Variants in DNM3 observed in about 807,000 individuals in gnomAD.
DNM3 encodes the protein dynamin 3.
A neutral mutation model predicts 101.6 loss-of-function variants in DNM3; 47 were observed. The ratio of observed to expected loss-of-function variants is 0.46; its 90% confidence interval spans 0.37 to 0.59. DNM3 has a LOEUF of 0.59. Ranked by LOEUF, DNM3 falls within the 20% of genes least tolerant of loss-of-function variation. The pLI, the probability that DNM3 is intolerant of heterozygous loss-of-function variation, is 0.00. For missense variants in DNM3, 849 were observed against 1,085.7 expected (o/e 0.78, Z 3.06); for synonymous variants, 385 against 387.9 (o/e 0.99, Z 0.09).
intron 1 of DNM3, among the ~76,000 whole-genome samples, chr1:171,868,062 T>C (rs1169127709): frequency 6.6e-6 from 1 of 152,196 alleles, no homozygotes; most frequent in Admixed American, 6.5e-5. Context: ...ATTGGTAAAT[T>C]ACTCTAAAAA....
Position 172,231,433 on chromosome 1 carries a change from A to G in DNM3, c.1660-22140A>G, listed in dbSNP as rs910996158. 4.6e-5 allele frequency among the ~76,000 whole-genome samples: 7 copies of G among 152,244 alleles called. No homozygotes were observed. The South Asian group carries it at 1.0e-3, about 23-fold the overall frequency. ...AAACAGAAAGGACATCCACACCAAA[A>G]ACCCATCTGTACATCACCATCATCA... On this transcript the variant is annotated intron_variant, in intron 14 of 20. Coordinates refer to ENST00000627582, the MANE Select transcript of DNM3 (RefSeq NM_015569.5).
intron 1 of DNM3, among the ~76,000 whole-genome samples, chr1:171,917,188 G>A (rs77695759): frequency 2.2e-3 from 337 of 152,290 alleles, no homozygotes; most frequent in African/African-American, 7.8e-3. Context: ...AAGGGCAGAT[G>A]TTAAACATTT....
At chr1:172,297,985 C>T (rs1419772866) in intron 15 of DNM3, among the ~76,000 whole-genome samples, 6 of 152,132 alleles carry the variant, frequency 3.9e-5, no homozygotes, top group East Asian at 1.9e-4. Flanking sequence ...TCCACACCCT[C>T]ATCATTTCTG....
chr1:172,016,540 A>T (rs371434423), intron 4 of DNM3, among the ~76,000 whole-genome samples: 9 of 152,222 alleles, frequency 5.9e-5, no homozygotes, highest in Non-Finnish European at 1.2e-4. Flanking sequence ...ACCTATATTC[A>T]TAAGAGATAT....
At chr1:171,917,139 C>T (rs2039778093) in intron 1 of DNM3, among the ~76,000 whole-genome samples, 1 of 152,156 alleles carries the variant, frequency 6.6e-6, no homozygotes, top group Non-Finnish European at 1.5e-5. Context: ...CATGAATCAA[C>T]TTCTAGGAAA....
chr1:172,022,251 G>T (rs2125755194), intron 4 of DNM3, among the ~76,000 whole-genome samples: 1 of 152,140 alleles, frequency 6.6e-6, no homozygotes, highest in East Asian at 1.9e-4. Flanking sequence ...TCCTATATGA[G>T]CCTGGCACAT....
At chr1:172,201,089 T>C (rs1228675155) in intron 14 of DNM3, among the ~76,000 whole-genome samples, 2 of 152,166 alleles carry the variant, frequency 1.3e-5, no homozygotes, top group Non-Finnish European at 2.9e-5. Flanking sequence ...GCAAGGTCTT[T>C]ATTTGAAGCT....
intron 10 of DNM3, among the ~76,000 whole-genome samples, chr1:172,061,412 A>C (rs1483948221): frequency 6.6e-6 from 1 of 151,006 alleles, no homozygotes; most frequent in Non-Finnish European, 1.5e-5. Flanking sequence ...TGTTTATTGC[A>C]GCACTATTCA....
intron 1 of DNM3, among the ~76,000 whole-genome samples, chr1:171,865,229 G>T (rs988156554): frequency 1.3e-5 from 2 of 152,106 alleles, no homozygotes; most frequent in African/African-American, 4.8e-5. Context: ...GAAGTGAAGA[G>T]GCAGGGCTGG....
At chr1:171,989,502 T>G (rs1355368128) in intron 4 of DNM3, among the ~76,000 whole-genome samples, 1 of 152,124 alleles carries the variant, frequency 6.6e-6, no homozygotes, top group African/African-American at 2.4e-5. Context: ...CTACTAATTA[T>G]TATGAGTTAC....
At chr1:172,229,318 G>GA in intron 14 of DNM3, among the ~76,000 whole-genome samples, 1 of 152,148 alleles carries the variant, frequency 6.6e-6, no homozygotes, top group Non-Finnish European at 1.5e-5. Flanking sequence ...TGTGTAATAG[G>GA]AAAAACAGGT....
intron 14 of DNM3, chr1:172,132,984 G>A: frequency 6.5e-7 from 1 of 1,533,162 alleles, no homozygotes; most frequent in Non-Finnish European, 8.8e-7. Context: ...GAGCTCCAGA[G>A]CCTATGCTTT....
At chr1:172,087,951 C>T (rs1464256280) in intron 12 of DNM3, among the ~76,000 whole-genome samples, 1 of 152,184 alleles carries the variant, frequency 6.6e-6, no homozygotes, top group Non-Finnish European at 1.5e-5. Context: ...CTTTGGGATC[C>T]CTAACTGTAC....
chr1:172,084,316 A>T (rs1158273964), intron 12 of DNM3, among the ~76,000 whole-genome samples: 2 of 152,172 alleles, frequency 1.3e-5, no homozygotes, highest in Non-Finnish European at 2.9e-5. Flanking sequence ...CTCCACATAC[A>T]TGCACGTGTG....
At chr1:172,260,424 A>T (rs144309557) in intron 15 of DNM3, among the ~76,000 whole-genome samples, 1 of 150,942 alleles carries the variant, frequency 6.6e-6, no homozygotes, top group African/African-American at 2.4e-5. Flanking sequence ...TAATTCTTTC[A>T]TTTTTTTTCG....
rs140648914 is a variant in DNM3, at chr1:172,226,095, G to A, written c.1660-27478G>A. Among the ~76,000 whole-genome samples the A allele has an allele frequency of 2.7e-3, 410 of 152,108 alleles. 3 individuals carry two copies. The highest frequency in any genetic ancestry group is 0.019 in the Admixed American group (288 of 15,272). On this transcript the variant is annotated intron_variant, in intron 14 of 20. Coordinates refer to ENST00000627582, the MANE Select transcript of DNM3 (RefSeq NM_015569.5). ...TTAATGCTGTAATAAACATCACTAT[G>A]CACATATAATTGCATCCAATAATCA...
chr1:172,075,126 A>T (rs1319229171), intron 11 of DNM3, among the ~76,000 whole-genome samples: 1 of 151,652 alleles, frequency 6.6e-6, no homozygotes, highest in African/African-American at 2.4e-5. Context: ...TTCTTTTGAG[A>T]AGTGTCTGTT....
chr1:172,202,363 A>T (rs2060184562), intron 14 of DNM3, among the ~76,000 whole-genome samples: 1 of 152,128 alleles, frequency 6.6e-6, no homozygotes, highest in African/African-American at 2.4e-5. Flanking sequence ...GAAGATTATT[A>T]GTTATTGAAT....
At chr1:172,010,193 G>A (rs573367799) in intron 4 of DNM3, among the ~76,000 whole-genome samples, 3 of 151,782 alleles carry the variant, frequency 2.0e-5, no homozygotes, top group East Asian at 3.9e-4. Context: ...AATGACACCC[G>A]GAAAGCATTG....
Sources: allele counts gnomAD v4.1 joint callset (sites outside exome capture counted in the v4.1 genomes callset), GRCh38; gene constraint gnomAD v4.1.1; transcripts MANE v1.5; gene names NCBI Gene and HGNC (gene_info 2026-07-23, HGNC 2026-07-21).